GRID2: variants seen among roughly 807,000 people sequenced by gnomAD.
GRID2 encodes the protein glutamate receptor ionotropic, delta-2.
In GRID2, 33 loss-of-function variants were observed where a neutral mutation model predicts 114.8. That is an observed-to-expected ratio of 0.29 (90% CI 0.22 to 0.38). The LOEUF is 0.38. Among genes scored for constraint, GRID2 ranks in the 10% least tolerant of loss-of-function variants. The probability of loss-of-function intolerance (pLI) is 1.00; values close to 1 mark genes in which losing one functional copy is unlikely to be tolerated. For synonymous variants in GRID2, 505 were observed against 449.9 expected, an observed-to-expected ratio of 1.12 and a Z score of -1.55; for missense variants, 1,184 against 1,257.7, an observed-to-expected ratio of 0.94 and a Z score of 0.89.
chr4:92,401,124 C>T (rs2110280955), intron 1 of GRID2, among the ~76,000 whole-genome samples: 1 of 152,110 alleles, frequency 6.6e-6, no homozygotes, highest in South Asian at 2.1e-4. Context: ...GTTGTTGTTG[C>T]TGTGCTTTTG....
intron 1 of GRID2, among the ~76,000 whole-genome samples, chr4:92,571,272 A>G: frequency 6.6e-6 from 1 of 152,068 alleles, no homozygotes; most frequent in Middle Eastern, 3.4e-3. Context: ...AACAAAGATC[A>G]AAAGAGACAA....
chr4:92,488,759 T>A (rs1723010834), intron 1 of GRID2, among the ~76,000 whole-genome samples: 1 of 152,144 alleles, frequency 6.6e-6, no homozygotes, highest in South Asian at 2.1e-4. Flanking sequence ...GGACTCTGCA[T>A]TCTGCAAGCA....
chr4:93,674,615 C>CT (rs34202526), intron 14 of GRID2, among the ~76,000 whole-genome samples: 188 of 145,112 alleles, frequency 1.3e-3, no homozygotes, highest in Non-Finnish European at 1.9e-3. Context: ...CATAACGGTG[C>CT]TTTTTTTTTT....
At chr4:93,620,691 A>G (rs543725315) in intron 13 of GRID2, among the ~76,000 whole-genome samples, 2 of 152,330 alleles carry the variant, frequency 1.3e-5, no homozygotes, top group Admixed American at 1.3e-4. Flanking sequence ...GCAAATATTC[A>G]AGAAAATAAC....
chr4:92,513,011 T>G (rs535966861), intron 1 of GRID2, among the ~76,000 whole-genome samples: 2 of 151,996 alleles, frequency 1.3e-5, no homozygotes, highest in South Asian at 2.1e-4. Flanking sequence ...AAGATTAACA[T>G]ATAGAATGGC....
At chr4:93,145,917 A>G (rs1736184665) in intron 4 of GRID2, among the ~76,000 whole-genome samples, 2 of 151,866 alleles carry the variant, frequency 1.3e-5, no homozygotes, top group African/African-American at 4.8e-5. Context: ...ATCGAATGTC[A>G]TGCAGTTATG....
intron 1 of GRID2, among the ~76,000 whole-genome samples, chr4:92,357,965 A>T (rs1728416811): frequency 6.6e-6 from 1 of 151,976 alleles, no homozygotes; most frequent in Admixed American, 6.6e-5. Context: ...GATGAAGGAA[A>T]ATCTGATGTG....
intron 2 of GRID2, among the ~76,000 whole-genome samples, chr4:92,622,130 A>T (rs1256910083): frequency 1.3e-5 from 2 of 151,774 alleles, no homozygotes; most frequent in Non-Finnish European, 1.5e-5. Flanking sequence ...GCTACTGGGG[A>T]GAGTCAATTA....
chr4:93,323,602 A>G (rs1480118774), intron 8 of GRID2, among the ~76,000 whole-genome samples: 1 of 152,140 alleles, frequency 6.6e-6, no homozygotes, highest in East Asian at 1.9e-4. Context: ...TGGTAGCTTG[A>G]TTGGGATGGC....
At position 93,406,774 on chromosome 4, in the gene GRID2, CA is replaced by C. The variant is rs573203239; in HGVS notation, c.1347+11067del. ...CACACCTTGCTATTTCTGTGTTTTA[CA>C]TATTTCCCTGACCTCCCAAAATGTC... On this transcript the variant is annotated intron_variant, in intron 9 of 15. Coordinates refer to ENST00000282020, the MANE Select transcript of GRID2 (RefSeq NM_001510.4). 6.4e-4 allele frequency among the ~76,000 whole-genome samples: 97 copies of C among 152,238 alleles called. 1 individual carries two copies. In the South Asian group the frequency reaches 0.016, roughly 24 times the overall value.
intron 13 of GRID2, among the ~76,000 whole-genome samples, chr4:93,557,156 A>G (rs1734402783): frequency 1.3e-5 from 2 of 152,196 alleles, no homozygotes; most frequent in South Asian, 2.1e-4. Flanking sequence ...TGTAAAGACC[A>G]TCGACACTAT....
chr4:93,413,436 T>C (rs1579999888), intron 9 of GRID2, among the ~76,000 whole-genome samples: 1 of 152,288 alleles, frequency 6.6e-6, no homozygotes, highest in Admixed American at 6.5e-5. Flanking sequence ...CCCACTTTTT[T>C]ATGGGGTTGA....
chr4:93,566,239 G>A (rs1308151877), intron 13 of GRID2, among the ~76,000 whole-genome samples: 1 of 152,146 alleles, frequency 6.6e-6, no homozygotes, highest in Non-Finnish European at 1.5e-5. Flanking sequence ...GTGCAGTATT[G>A]TGGATTAAAC....
chr4:93,335,345 G>A (rs940235380), intron 8 of GRID2, among the ~76,000 whole-genome samples: 10 of 152,018 alleles, frequency 6.6e-5, no homozygotes, highest in South Asian at 4.1e-4. Context: ...TTATACTTCC[G>A]GTGTGCGGTG....
intron 2 of GRID2, among the ~76,000 whole-genome samples, chr4:92,967,824 T>C (rs902611362): frequency 6.6e-6 from 1 of 151,910 alleles, no homozygotes; most frequent in South Asian, 2.1e-4. Flanking sequence ...AAAACATCTT[T>C]CAGTGAGCAG....
rs527810471 is a variant in GRID2, at chr4:93,432,981, G to C, written c.1545+10013G>C. On this transcript the variant is annotated intron_variant, in intron 10 of 15. Coordinates refer to ENST00000282020, the MANE Select transcript of GRID2 (RefSeq NM_001510.4). ...GCTGTTGAGGAGGCTGAGGTGGGAGGATCCCTTTAGCTCAAGAGTTTGAGG... is the reference window on the plus strand; with the variant it reads ...GCTGTTGAGGAGGCTGAGGTGGGAGCATCCCTTTAGCTCAAGAGTTTGAGG... Among the ~76,000 whole-genome samples, 154 of 152,154 alleles carry C rather than the reference G, an allele frequency of 1.0e-3. 1 individual carries two copies. The highest frequency in any genetic ancestry group is 3.6e-3 in the African/African-American group (151 of 41,514).
chr4:93,371,432 C>G (rs1378351944), intron 8 of GRID2, among the ~76,000 whole-genome samples: 1 of 151,964 alleles, frequency 6.6e-6, no homozygotes, highest in Non-Finnish European at 1.5e-5. Context: ...ATTCTAGATA[C>G]TGTACTCATA....
intron 4 of GRID2, among the ~76,000 whole-genome samples, chr4:93,133,173 C>G (rs997248822): frequency 2.6e-5 from 4 of 152,122 alleles, no homozygotes; most frequent in Non-Finnish European, 5.9e-5. Context: ...CTCTCTCTCT[C>G]TCAGATTTTT....
intron 4 of GRID2, among the ~76,000 whole-genome samples, chr4:93,205,076 C>A (rs960060039): frequency 3.3e-5 from 5 of 151,974 alleles, no homozygotes; most frequent in Admixed American, 6.6e-5. Context: ...AGTTTGAAGT[C>A]TTTTTAATCT....
Sources: allele counts gnomAD v4.1 joint callset (sites outside exome capture counted in the v4.1 genomes callset), GRCh38; gene constraint gnomAD v4.1.1; transcripts MANE v1.5; gene names NCBI Gene and HGNC (gene_info 2026-07-23, HGNC 2026-07-21).